SAAL1: variants seen among roughly 807,000 people sequenced by gnomAD.
SAAL1 encodes serum amyloid A like 1, also known as protein SAAL1.
A neutral mutation model predicts 59.8 loss-of-function variants in SAAL1; 42 were observed. The observed-to-expected ratio is 0.70, with a 90% CI of 0.55 to 0.91. The LOEUF is 0.91. SAAL1 is among the 40% of genes least tolerant of loss of function. The pLI, the probability that SAAL1 is intolerant of heterozygous loss-of-function variation, is 0.00. For missense variants in SAAL1, 542 were observed against 561.1 expected (o/e 0.97, Z 0.34); for synonymous variants, 191 against 194.3 (o/e 0.98, Z 0.14).
chr11:18,088,065 T>C (rs2134057458), intron 7 of SAAL1, among the ~76,000 whole-genome samples: 1 of 152,162 alleles, frequency 6.6e-6, no homozygotes, highest in East Asian at 1.9e-4. Context: ...GGCAAAGAAG[T>C]GTCTGAGGTG....
At position 18,103,249 on chromosome 11, in the gene SAAL1, TC is replaced by T; in HGVS notation, c.232del (p.Asp78IlefsTer33). ...GCCTCATACCTCATCCATTGACATATCCCATACTCTGCAAATTTCATTCTCC... is the reference window on the plus strand; with the variant it reads ...GCCTCATACCTCATCCATTGACATATCCATACTCTGCAAATTTCATTCTCC... Reference protein sequence around the residue: ...EMENEICRVWDMSMDEDVALF... With the variant: ...EMENEICRVWXMSMDEDVALF... On this transcript the variant is annotated frameshift_variant, in exon 2 of 12. Coordinates refer to ENST00000524803, the MANE Select transcript of SAAL1 (RefSeq NM_138421.3). LOFTEE classifies it high-confidence loss of function. The T allele has an allele frequency of 8.7e-6, 14 of 1,610,534 alleles. No homozygotes were observed. The highest frequency in any genetic ancestry group is 1.2e-5 in the Non-Finnish European group (14 of 1,176,794).
intron 1 of SAAL1, among the ~76,000 whole-genome samples, chr11:18,105,332 C>CTTT (rs905892562): frequency 8.6e-5 from 11 of 127,440 alleles, no homozygotes; most frequent in Admixed American, 8.1e-4. Flanking sequence ...TCACGACCGG[C>CTTT]TTTTTTTTTT....
chr11:18,083,482 T>TA, intron 10 of SAAL1, 53 bp downstream of exon 10: 1 of 1,084,122 alleles, frequency 9.2e-7, no homozygotes, highest in Non-Finnish European at 1.3e-6. Flanking sequence ...TTTGAAGCGT[T>TA]AAGCAACCCA....
intron 4 of SAAL1, chr11:18,090,772 C>T (rs1026989958): frequency 3.6e-6 from 1 of 279,202 alleles, no homozygotes; most frequent in African/African-American, 2.2e-5. Flanking sequence ...TTCCAGCAAT[C>T]ATTTCCTTAC....
At chr11:18,082,511 C>G (rs1438289695) in intron 10 of SAAL1, among the ~76,000 whole-genome samples, 3 of 145,624 alleles carry the variant, frequency 2.1e-5, no homozygotes, top group Non-Finnish European at 4.4e-5. Flanking sequence ...ATGTTGAATC[C>G]AGTAATTTAA....
chr11:18,099,984 G>A (rs1848618724), intron 2 of SAAL1, among the ~76,000 whole-genome samples: 1 of 152,194 alleles, frequency 6.6e-6, no homozygotes, highest in Non-Finnish European at 1.5e-5. Context: ...TCTTGTAAGG[G>A]AGCAAAAGGA....
intron 6 of SAAL1, 25 bp from the exon 7 acceptor site, chr11:18,089,535 A>C: frequency 6.3e-7 from 1 of 1,587,576 alleles, no homozygotes; most frequent in East Asian, 2.3e-5. Context: ...ACAGATATTG[A>C]AATGAAAAAC....
chr11:18,102,889 T>A (rs1281949116), intron 2 of SAAL1, among the ~76,000 whole-genome samples: 2 of 152,180 alleles, frequency 1.3e-5, no homozygotes, highest in African/African-American at 4.8e-5. Flanking sequence ...ATTATCATGG[T>A]ATATCAGTGG....
intron 10 of SAAL1, 193 bp downstream of exon 10, chr11:18,083,341 TG>T: frequency 2.3e-6 from 1 of 428,046 alleles, no homozygotes; most frequent in East Asian, 3.6e-5. Context: ...CATAGGCATA[TG>T]TCTGTCACAC....
chr11:18,083,710 C>A lies in SAAL1; in HGVS notation c.1064G>T (p.Ser355Ile). 6.2e-7 allele frequency: 1 copy of A among 1,607,074 alleles called. No homozygotes were observed. The change falls in exon 10 of 12, where the codon AGC becomes ATC. Residue 355 changes from serine to isoleucine, a missense_variant. By Grantham distance (142) the Ser-to-Ile change is moderately radical (BLOSUM62 -2). Coordinates refer to ENST00000524803, the MANE Select transcript of SAAL1 (RefSeq NM_138421.3). ...IEKVDLPLIDSLIRVLQNMEQ... is the reference protein window; with the variant it reads ...IEKVDLPLIDILIRVLQNMEQ... ...CATATTTTGTAAGACCCGAATGAGG[C>A]TGTCAATTAGAGGAAGATCTACTGT... is the stretch of plus-strand genomic sequence containing the variant.
chr11:18,091,878 A>G (rs1411080432), intron 4 of SAAL1, among the ~76,000 whole-genome samples: 1 of 152,140 alleles, frequency 6.6e-6, no homozygotes, highest in Non-Finnish European at 1.5e-5. Context: ...ACATTATTCA[A>G]CAAATCTAGT....
At chr11:18,089,006 T>C (rs1357386330) in intron 7 of SAAL1, among the ~76,000 whole-genome samples, 4 of 152,188 alleles carry the variant, frequency 2.6e-5, no homozygotes, top group African/African-American at 9.7e-5. Flanking sequence ...AAGCAAATGA[T>C]GTGCAACGTT....
intron 2 of SAAL1, among the ~76,000 whole-genome samples, chr11:18,099,268 C>T (rs570808940): frequency 1.3e-5 from 2 of 152,168 alleles, no homozygotes; most frequent in African/African-American, 2.4e-5. Flanking sequence ...CAGGCAAGTA[C>T]CCAGCGAGAC....
At chr11:18,097,942 C>G (rs757689791) in intron 2 of SAAL1, among the ~76,000 whole-genome samples, 1 of 152,044 alleles carries the variant, frequency 6.6e-6, no homozygotes, top group Non-Finnish European at 1.5e-5. Flanking sequence ...CCCAGGAGTT[C>G]GAGACCAGCC....
At chr11:18,103,137 G>T in intron 2 of SAAL1, 96 bp downstream of exon 2, 1 of 819,076 alleles carries the variant, frequency 1.2e-6, no homozygotes, top group Non-Finnish European at 2.1e-6. Flanking sequence ...AGGAGATAAA[G>T]CCTTTCCCCA....
At chr11:18,081,927 C>T (rs1248096262) in intron 10 of SAAL1, among the ~76,000 whole-genome samples, 3 of 152,140 alleles carry the variant, frequency 2.0e-5, no homozygotes, top group East Asian at 1.9e-4. Flanking sequence ...GATCTCCTGC[C>T]CTCCAGCCTC....
At chr11:18,099,593 G>C (rs1848613040) in intron 2 of SAAL1, among the ~76,000 whole-genome samples, 1 of 152,218 alleles carries the variant, frequency 6.6e-6, no homozygotes. Flanking sequence ...GTGACATTAT[G>C]CTTTGATGAG....
chr11:18,085,557 G>A (rs984220746), intron 9 of SAAL1, among the ~76,000 whole-genome samples: 2 of 152,124 alleles, frequency 1.3e-5, no homozygotes, highest in African/African-American at 4.8e-5. Context: ...AAGTTAACAC[G>A]ATGTCAACAA....
intron 7 of SAAL1, among the ~76,000 whole-genome samples, chr11:18,087,702 C>T (rs1375248297): frequency 6.6e-6 from 1 of 152,206 alleles, no homozygotes; most frequent in Non-Finnish European, 1.5e-5. Context: ...TTATGATCAA[C>T]CGTTTGGATT....
Sources: gnomAD v4.1 joint callset for allele counts (sites outside exome capture counted in the v4.1 genomes callset) on GRCh38, gnomAD v4.1.1 for gene constraint, MANE v1.5 for transcripts, NCBI Gene and HGNC (gene_info 2026-07-23, HGNC 2026-07-21) for gene names.